The following CDH22 variants were observed in gnomAD, a reference collection of about 807,000 sequenced individuals.
CDH22 encodes cadherin-22.
CDH22 carries 30 observed loss-of-function variants against 58.4 expected under a neutral mutation model. The observed-to-expected ratio is 0.51, with a 90% CI of 0.38 to 0.70. The LOEUF is 0.70. CDH22 is among the 30% of genes least tolerant of loss of function. The probability of loss-of-function intolerance (pLI) is 0.00; values close to 1 mark genes in which losing one functional copy is unlikely to be tolerated. For synonymous variants in CDH22, 513 were observed against 558.2 expected, an observed-to-expected ratio of 0.92 and a Z score of 1.14; for missense variants, 1,014 against 1,233.9, an observed-to-expected ratio of 0.82 and a Z score of 2.67.
In CDH22 at chr20:46,210,216, C is replaced by T; in HGVS notation, c.1286+91G>A. On this transcript the variant is annotated intron_variant, in intron 7 of 11. Transcript: ENST00000537909. This position sits in a 1 kb window ranked among gnomAD's most constrained non-coding sequence, Gnocchi z 4.5. ...AGCCCCTTCCTTCGGCCCTGCCCGCCCCAGCCCTCCTCCCCTCTGCCCGCA... is the reference window on the plus strand; with the variant it reads ...AGCCCCTTCCTTCGGCCCTGCCCGCTCCAGCCCTCCTCCCCTCTGCCCGCA... The T allele has an allele frequency of 7.8e-7, 1 of 1,280,122 alleles. No homozygotes were observed. The highest frequency in any genetic ancestry group is 1.0e-6 in the Non-Finnish European group (1 of 997,902). 79.3% of individuals were successfully genotyped at this position (1,280,122 alleles called of 1,614,324 possible). A position where few individuals can be genotyped will look rare whatever the true frequency, so the allele number is the denominator to read the frequency against.
intron 1 of CDH22, among the ~76,000 whole-genome samples, chr20:46,258,735 TCAC>T (rs1232086366): frequency 1.3e-5 from 2 of 152,374 alleles, no homozygotes; most frequent in African/African-American, 4.8e-5. Context: ...TTTCTGGCAG[TCAC>T]CGAGCACCTG....
chr20:46,303,036 G>A (rs547894266), intron 1 of CDH22, among the ~76,000 whole-genome samples: 5 of 152,170 alleles, frequency 3.3e-5, no homozygotes, highest in Admixed American at 2.6e-4. Flanking sequence ...ATCTCCACGC[G>A]CCACTCCCCT....
chr20:46,252,716 C>T (rs2086386064), intron 1 of CDH22, among the ~76,000 whole-genome samples: 1 of 152,194 alleles, frequency 6.6e-6, no homozygotes, highest in African/African-American at 2.4e-5. Context: ...CAGGTTTGGC[C>T]AGTTGCCAGG....
chr20:46,202,044 A>G (rs1045168411), intron 7 of CDH22, among the ~76,000 whole-genome samples: 1 of 152,080 alleles, frequency 6.6e-6, no homozygotes, highest in Non-Finnish European at 1.5e-5. Context: ...GATCTCCCCC[A>G]TTTTACAGAT....
chr20:46,236,205 C>T (rs1478419577), intron 3 of CDH22, among the ~76,000 whole-genome samples: 1 of 152,008 alleles, frequency 6.6e-6, no homozygotes, highest in Admixed American at 6.6e-5. Context: ...TCTAACAGCC[C>T]AGACCTCGTG....
chr20:46,271,151 G>T (rs1443313859), intron 1 of CDH22, among the ~76,000 whole-genome samples: 1 of 152,172 alleles, frequency 6.6e-6, no homozygotes, highest in Non-Finnish European at 1.5e-5. Context: ...ACCCTGGGCT[G>T]AGCCCATTGT....
rs879295538 is a variant in CDH22 at position 46,251,674 on chromosome 20, C to T, written c.-380G>A. 9.9e-5 allele frequency: 17 copies of T among 171,302 alleles called. No individual in the cohort carries two copies. The highest frequency in any genetic ancestry group is 2.5e-5 in the Non-Finnish European group (2 of 81,066). 10.6% of individuals were successfully genotyped at this position (171,302 alleles called of 1,614,324 possible). A position where few individuals can be genotyped will look rare whatever the true frequency, so the allele number is the denominator to read the frequency against. On this transcript the variant is annotated 5_prime_UTR_variant, in exon 2 of 12. Coordinates refer to ENST00000537909, the MANE Select transcript of CDH22 (RefSeq NM_021248.3). This position sits in a 1 kb window ranked among gnomAD's most constrained non-coding sequence, Gnocchi z 6.7. ...GGCAGATCCTGCCAGGACTAGGGGC[C>T]TTCCCTTTCCATCAGGAGCCTGCAA...
At chr20:46,189,534 C>T (rs1399978348) in intron 8 of CDH22, among the ~76,000 whole-genome samples, 2 of 152,066 alleles carry the variant, frequency 1.3e-5, no homozygotes, top group African/African-American at 4.8e-5. Flanking sequence ...TGGGCCATGT[C>T]GAAGGTACAG....
intron 3 of CDH22, among the ~76,000 whole-genome samples, chr20:46,227,983 T>C (rs547260228): frequency 6.7e-6 from 1 of 150,020 alleles, no homozygotes; most frequent in South Asian, 2.1e-4. Context: ...GGGGATGAAT[T>C]CTAAACTCCC....
In CDH22 at chr20:46,186,391, C is replaced by T. The variant is rs184195528; in HGVS notation, c.1663+197G>A. The stretch of plus-strand genomic sequence containing the variant: ...CATTTCTTATCCTTGGGACGCCCTC[C>T]TCCACTCCACCAACCCACACCCTGC... On this transcript the variant is annotated intron_variant, in intron 10 of 11. Coordinates refer to ENST00000537909, the MANE Select transcript of CDH22 (RefSeq NM_021248.3). 3.3e-5 allele frequency among the ~76,000 whole-genome samples: 5 copies of T among 151,822 alleles called. No individual in the cohort carries two copies. In the East Asian group the frequency reaches 9.8e-4, roughly 30 times the overall value.
intron 3 of CDH22, among the ~76,000 whole-genome samples, chr20:46,233,836 C>T (rs979006805): frequency 2.0e-5 from 3 of 152,216 alleles, no homozygotes; most frequent in Admixed American, 6.5e-5. Context: ...GAGCCAGTGC[C>T]GTTGCTAGGC....
intron 7 of CDH22, among the ~76,000 whole-genome samples, chr20:46,206,064 G>A (rs1485884726): frequency 2.6e-5 from 4 of 152,166 alleles, no homozygotes; most frequent in Non-Finnish European, 5.9e-5. Context: ...ACTTGGACCT[G>A]GACCTGTCAC....
chr20:46,214,241 A>C (rs1457420986), intron 5 of CDH22, among the ~76,000 whole-genome samples: 1 of 152,112 alleles, frequency 6.6e-6, no homozygotes, highest in African/African-American at 2.4e-5. Flanking sequence ...ATCAGATGGG[A>C]TGGAGGCTGC....
chr20:46,274,132 G>C (rs1235433792), intron 1 of CDH22, among the ~76,000 whole-genome samples: 1 of 152,178 alleles, frequency 6.6e-6, no homozygotes, highest in Non-Finnish European at 1.5e-5. Flanking sequence ...TGGGGGAGAG[G>C]ACTCTGCAGC....
At chr20:46,234,171 G>T (rs980618967) in intron 3 of CDH22, among the ~76,000 whole-genome samples, 1 of 152,224 alleles carries the variant, frequency 6.6e-6, no homozygotes, top group Non-Finnish European at 1.5e-5. Flanking sequence ...GTAAAATGGG[G>T]ATGTCAGTAC....
intron 7 of CDH22, among the ~76,000 whole-genome samples, chr20:46,209,538 G>A (rs1224748914): frequency 6.6e-6 from 1 of 152,122 alleles, no homozygotes; most frequent in Non-Finnish European, 1.5e-5. Flanking sequence ...ACAATTCTAG[G>A]TTAAAGAGGG....
intron 1 of CDH22, among the ~76,000 whole-genome samples, chr20:46,253,776 C>T (rs965949872): frequency 6.6e-6 from 1 of 152,132 alleles, no homozygotes; most frequent in Non-Finnish European, 1.5e-5. Flanking sequence ...AGCTCCAGGG[C>T]CCATCACAGC....
intron 1 of CDH22, among the ~76,000 whole-genome samples, chr20:46,293,229 C>T (rs1431298324): frequency 6.6e-6 from 1 of 152,184 alleles, no homozygotes; most frequent in Non-Finnish European, 1.5e-5. Flanking sequence ...GCCTCAGCCA[C>T]CCACACATTC....
chr20:46,243,060 C>T (rs1327033363), intron 2 of CDH22, among the ~76,000 whole-genome samples: 1 of 152,152 alleles, frequency 6.6e-6, no homozygotes, highest in Non-Finnish European at 1.5e-5. Flanking sequence ...GGGCAGGTCC[C>T]TGCTCCTCTC....
Sources: gnomAD v4.1 joint callset for allele counts (sites outside exome capture counted in the v4.1 genomes callset) on GRCh38, gnomAD v4.1.1 for gene constraint, Gnocchi (gnomAD v3.1) non-coding constraint, MANE v1.5 for transcripts, NCBI Gene and HGNC (gene_info 2026-07-23, HGNC 2026-07-21) for gene names.